Variants in RPS6KA3 observed in about 807,000 individuals in gnomAD.
RPS6KA3 encodes ribosomal protein S6 kinase alpha-3.
RPS6KA3 carries 4 observed loss-of-function variants against 67.2 expected under a neutral mutation model. The ratio of observed to expected loss-of-function variants is 0.06; its 90% confidence interval spans 0.03 to 0.14. The LOEUF is 0.14. Ranked by LOEUF, RPS6KA3 falls within the 10% of genes least tolerant of loss-of-function variation. RPS6KA3 has a pLI of 1.00. For missense variants in RPS6KA3, 204 were observed against 559.0 expected, an observed-to-expected ratio of 0.36 and a Z score of 6.40; for synonymous variants, 182 against 183.7, an observed-to-expected ratio of 0.99 and a Z score of 0.07.
intron 15 of RPS6KA3, among the ~76,000 whole-genome samples, chrX:20,170,855 G>A (rs2067554965): frequency 9.0e-6 from 1 of 110,828 alleles, no homozygotes; most frequent in African/African-American, 3.3e-5. Context: ...GCTCACTGCA[G>A]CCTGAACCTC....
intron 1 of RPS6KA3, among the ~76,000 whole-genome samples, chrX:20,246,425 C>A (rs1603431308): frequency 9.0e-6 from 1 of 110,934 alleles, no homozygotes; most frequent in Non-Finnish European, 1.9e-5. Context: ...TTTGAAGAGC[C>A]CTTTGCCCTA....
intron 20 of RPS6KA3, among the ~76,000 whole-genome samples, chrX:20,158,742 A>G (rs1452956172): frequency 3.6e-5 from 4 of 111,039 alleles, no homozygotes; most frequent in Non-Finnish European, 7.5e-5. Flanking sequence ...ACTTCAAACT[A>G]CTTCTCTTAC....
rs758255861 is a variant in RPS6KA3 at position 20,196,536 on chromosome X, G to GT, written c.326-1392dup. On this transcript the variant is annotated intron_variant, in intron 4 of 21. Transcript: ENST00000379565. Reference sequence around the variant, plus strand: ...TTGGAGGAGGGAGAAAGTTGAGTTGGTTTTATTTTCAGTTTAGGGTGACTG... The same window carrying GT: ...TTGGAGGAGGGAGAAAGTTGAGTTGGTTTTTATTTTCAGTTTAGGGTGACTG... 1.1e-4 allele frequency among the ~76,000 whole-genome samples: 12 copies of GT among 112,016 alleles called. No homozygotes were observed. The South Asian group carries it at 4.5e-3, about 42-fold the overall frequency.
intron 1 of RPS6KA3, among the ~76,000 whole-genome samples, chrX:20,255,047 G>A (rs903831095): frequency 2.7e-5 from 3 of 112,441 alleles, no homozygotes; most frequent in African/African-American, 9.7e-5. Context: ...GTTCACAGCA[G>A]CATTATTCAT....
At chrX:20,220,128 T>C (rs138504983) in intron 2 of RPS6KA3, among the ~76,000 whole-genome samples, 1,602 of 110,894 alleles carry the variant, frequency 0.014, 28 homozygotes, top group African/African-American at 0.049. Flanking sequence ...AGATTCTACA[T>C]GAAAAGCCAG....
At chrX:20,207,165 G>A (rs1448210656) in intron 3 of RPS6KA3, among the ~76,000 whole-genome samples, 1 of 112,002 alleles carries the variant, frequency 8.9e-6, no homozygotes, top group Non-Finnish European at 1.9e-5. Context: ...CAGGAAGAAA[G>A]GTGGTAGCAT....
intron 1 of RPS6KA3, among the ~76,000 whole-genome samples, chrX:20,252,135 T>G (rs1037026710): frequency 1.8e-5 from 2 of 112,418 alleles, no homozygotes; most frequent in Non-Finnish European, 3.8e-5. Flanking sequence ...TTTTCAGTTC[T>G]AAAATTTCTA....
chrX:20,241,845 C>A (rs1289552485), intron 1 of RPS6KA3, among the ~76,000 whole-genome samples: 1 of 111,417 alleles, frequency 9.0e-6, no homozygotes, highest in African/African-American at 3.3e-5. Flanking sequence ...AATTTTATAC[C>A]TCATTCTAGT....
intron 3 of RPS6KA3, among the ~76,000 whole-genome samples, chrX:20,205,179 A>G (rs1237765859): frequency 8.9e-6 from 1 of 112,252 alleles, no homozygotes; most frequent in Non-Finnish European, 1.9e-5. Context: ...CAAGACTACC[A>G]ATACATCTCT....
At chrX:20,166,713 CTTTTTTTTTTT>C (rs774405280) in intron 17 of RPS6KA3, among the ~76,000 whole-genome samples, 113 of 81,385 alleles carry the variant, frequency 1.4e-3, no homozygotes, top group Middle Eastern at 6.8e-3. Context: ...GACTTCCCTT[CTTTTTTTTTTT>C]TTTTTTTTTT....
At chrX:20,263,260 T>G (rs759520700) in intron 1 of RPS6KA3, among the ~76,000 whole-genome samples, 1 of 112,119 alleles carries the variant, frequency 8.9e-6, no homozygotes, top group African/African-American at 3.2e-5. Flanking sequence ...GTCAGGCTTA[T>G]GATCCACTAA....
chrX:20,170,613 ATATTT>A (rs966735422), intron 15 of RPS6KA3, among the ~76,000 whole-genome samples: 6 of 110,739 alleles, frequency 5.4e-5, no homozygotes, highest in African/African-American at 2.0e-4. Flanking sequence ...TTCCTTATAT[ATATTT>A]TTTCTTTTTT....
chrX:20,152,900 C>T lies in RPS6KA3; in HGVS notation c.*2498G>A, dbSNP rs1569181980. ...AATATGTAGTTTTTGAACTCAGCTACTGGTTGGTGATCATATGAGGGAAAG... is the reference window on the plus strand; with the variant it reads ...AATATGTAGTTTTTGAACTCAGCTATTGGTTGGTGATCATATGAGGGAAAG... On this transcript the variant is annotated 3_prime_UTR_variant, in exon 22 of 22. Coordinates refer to ENST00000379565, the MANE Select transcript of RPS6KA3 (RefSeq NM_004586.3). 1 of 111,399 alleles carries T rather than the reference C, an allele frequency of 9.0e-6. No homozygotes were observed. The highest frequency in any genetic ancestry group is 1.9e-5 in the Non-Finnish European group (1 of 53,147). 9.2% of individuals were successfully genotyped at this position (111,399 alleles called of 1,213,427 possible).
chrX:20,206,975 A>C (rs1184048475), intron 3 of RPS6KA3, among the ~76,000 whole-genome samples: 1 of 112,369 alleles, frequency 8.9e-6, no homozygotes, highest in Non-Finnish European at 1.9e-5. Context: ...GCTAGAGACC[A>C]GACTGAGAGG....
At chrX:20,164,316 T>G (rs1157945184) in intron 18 of RPS6KA3, among the ~76,000 whole-genome samples, 1 of 109,720 alleles carries the variant, frequency 9.1e-6, no homozygotes, top group Non-Finnish European at 1.9e-5. Flanking sequence ...AGGCCAGAAG[T>G]CCAGTGTGTC....
At chrX:20,240,477 T>C (rs1460104852) in intron 1 of RPS6KA3, 1 of 314,010 alleles carries the variant, frequency 3.2e-6, no homozygotes, top group Non-Finnish European at 4.2e-6. Flanking sequence ...CACCAAATTG[T>C]TCAGAATCCA....
At chrX:20,264,513 T>C (rs1433391192) in intron 1 of RPS6KA3, among the ~76,000 whole-genome samples, 1 of 112,270 alleles carries the variant, frequency 8.9e-6, no homozygotes, top group Non-Finnish European at 1.9e-5. Context: ...TTTATCATCT[T>C]TGTACCTTTT....
At chrX:20,175,323 T>C (rs2067672263) in intron 13 of RPS6KA3, 35 bp from the exon 14 acceptor site, 12 of 1,198,269 alleles carry the variant, frequency 1.0e-5, no homozygotes, top group Non-Finnish European at 1.4e-5. Context: ...GAAGATTCAT[T>C]TGAAAGGAAA....
chrX:20,238,388 C>A, intron 1 of RPS6KA3, among the ~76,000 whole-genome samples: 1 of 111,392 alleles, frequency 9.0e-6, no homozygotes, highest in East Asian at 2.8e-4. Flanking sequence ...CAACCACACC[C>A]TGCATACCTG....
Sources: allele counts gnomAD v4.1 joint callset (sites outside exome capture counted in the v4.1 genomes callset), GRCh38; gene constraint gnomAD v4.1.1; transcripts MANE v1.5; gene names NCBI Gene and HGNC (gene_info 2026-07-23, HGNC 2026-07-21).